The following GIMAP2 variants were observed in gnomAD, a reference collection of about 807,000 sequenced individuals.
The protein encoded by GIMAP2 is GTPase IMAP family member 2.
GIMAP2 carries 22 observed loss-of-function variants against 25.5 expected under a neutral mutation model. That is an observed-to-expected ratio of 0.86 (90% confidence interval 0.62 to 1.23). The LOEUF is 1.23. Among genes scored for constraint, GIMAP2 ranks in the 50% most tolerant of loss-of-function variants. GIMAP2 has a pLI of 0.00. For synonymous variants in GIMAP2, 167 were observed against 143.0 expected (o/e 1.17, Z -1.20); for missense variants, 422 against 395.7 (o/e 1.07, Z -0.56).
In GIMAP2 at chr7:150,693,168, G is replaced by C. The variant is rs2032995453; in HGVS notation, c.882G>C (p.Met294Ile). Residue 294 changes from methionine to isoleucine, a missense_variant, in exon 3 of 3, where the codon ATG becomes ATC. Met to Ile is a conservative substitution (Grantham distance 10, BLOSUM62 1). Transcript: ENST00000223293. ...TGTGGCTTTGCATACTGCACAGCAT[G>C]TGCAATTTGTTTTGTTGCTTACTCT... is the stretch of plus-strand genomic sequence containing the variant. Reference protein sequence around the residue: ...IILWLCILHSMCNLFCCLLFS... With the variant: ...IILWLCILHSICNLFCCLLFS... 1 of 1,613,262 alleles carries C rather than the reference G, an allele frequency of 6.2e-7. No individual in the cohort carries two copies. Among genetic ancestry groups the C allele is most frequent in the Non-Finnish European group, 8.5e-7 (1 of 1,179,474 alleles).
chr7:150,693,363 G>A lies in GIMAP2; in HGVS notation c.*63G>A, dbSNP rs1345132344. The A allele has an allele frequency of 9.5e-7, 1 of 1,055,932 alleles. No individual in the cohort carries two copies. Among genetic ancestry groups the A allele is most frequent in the Admixed American group, 2.6e-5 (1 of 38,424 alleles). The allele number at this position is 1,055,932 out of a possible 1,614,324, so 65.4% of individuals were successfully genotyped here. A position where few individuals can be genotyped will look rare whatever the true frequency, so the allele number is the denominator to read the frequency against. On this transcript the variant is annotated 3_prime_UTR_variant, in exon 3 of 3. Coordinates refer to ENST00000223293, the MANE Select transcript of GIMAP2 (RefSeq NM_015660.3). The stretch of plus-strand genomic sequence containing the variant: ...GTGGGTGAATCACAGTAATTTCCCT[G>A]TAAAATGTGGTACCTGAAGTCATAT...
chr7:150,692,640 T>C lies in GIMAP2; in HGVS notation c.354T>C (p.Tyr118=). ...VLLLVTQLGR[Y]TSQDQQAAQR... ...TCCTGGTGACTCAGCTGGGCCGCTA[T>C]ACCTCACAGGACCAGCAGGCTGCAC... Residue 118 remains tyrosine (Y), a synonymous_variant, in exon 3 of 3, where the codon TAT becomes TAC. Transcript: ENST00000223293. 3 of 1,614,146 alleles carry C rather than the reference T, an allele frequency of 1.9e-6. No homozygotes were observed. The highest frequency in any genetic ancestry group is 2.5e-6 in the Non-Finnish European group (3 of 1,180,010).
rs1796893977 is a variant in GIMAP2 at position 150,685,773 on chromosome 7, A to C, written c.-21A>C. On this transcript the variant is annotated 5_prime_UTR_variant, in exon 1 of 3. Coordinates refer to ENST00000223293, the MANE Select transcript of GIMAP2 (RefSeq NM_015660.3). ...GAACAGGGAGCCAACTGTTTCTTTGAACAGTAAATCAGGTAAGCCCAGATT... is the reference window on the plus strand; with the variant it reads ...GAACAGGGAGCCAACTGTTTCTTTGCACAGTAAATCAGGTAAGCCCAGATT... 1.0e-6 allele frequency: 1 copy of C among 980,858 alleles called. No individual in the cohort carries two copies. The highest frequency in any genetic ancestry group is 1.8e-5 in the African/African-American group (1 of 57,138). 60.8% of individuals were successfully genotyped at this position (980,858 alleles called of 1,614,324 possible). A position where few individuals can be genotyped will look rare whatever the true frequency, so the allele number is the denominator to read the frequency against.
intron 1 of GIMAP2, among the ~76,000 whole-genome samples, chr7:150,686,125 T>C (rs1466463734): frequency 6.6e-6 from 1 of 152,196 alleles, no homozygotes; most frequent in Non-Finnish European, 1.5e-5. Context: ...AACGTACCGA[T>C]ATTTCTCACT....
intron 1 of GIMAP2, 22 bp downstream of exon 1, chr7:150,685,807 G>T: frequency 4.5e-6 from 4 of 880,400 alleles, no homozygotes; most frequent in Non-Finnish European, 5.4e-6. Context: ...TTTACGAAAA[G>T]TTCTGCAGTG....
In GIMAP2 at chr7:150,692,198, C is replaced by T. The variant is rs371921363; in HGVS notation, c.29-117C>T. The stretch of plus-strand genomic sequence containing the variant: ...CGAGATCACGCCATTGCACTCCAGC[C>T]TGGGCGACAGAGCGAGACTCCGTCT... On this transcript the variant is annotated intron_variant, in intron 2 of 2. Coordinates refer to ENST00000223293, the MANE Select transcript of GIMAP2 (RefSeq NM_015660.3). 2.4e-5 allele frequency: 24 copies of T among 985,376 alleles called. No individual in the cohort carries two copies. In the East Asian group the frequency reaches 5.8e-4, roughly 24 times the overall value. The allele number at this position is 985,376 out of a possible 1,614,324, so 61.0% of individuals were successfully genotyped here.
At position 150,685,706 on chromosome 7, in the gene GIMAP2, C is replaced by A. The variant is rs1470526420; in HGVS notation, c.-88C>A. ...AAGACCGACTGGAGTCTCGGTTTTA[C>A]TTTCTTTTTCTCTTGGAGCTGAGCT... On this transcript the variant is annotated 5_prime_UTR_variant, in exon 1 of 3. Transcript: ENST00000223293. The A allele has an allele frequency of 1.0e-6, 1 of 984,168 alleles. No homozygotes were observed. The highest frequency in any genetic ancestry group is 1.2e-6 in the Non-Finnish European group (1 of 828,926). 61.0% of individuals were successfully genotyped at this position (984,168 alleles called of 1,614,324 possible).
Position 150,692,997 on chromosome 7 carries a change from G to A in GIMAP2, c.711G>A (p.Lys237=), listed in dbSNP as rs751294485. Residue 237 remains lysine (K), a synonymous_variant, in exon 3 of 3, where the codon AAG becomes AAA. Transcript: ENST00000223293. ...CGPVGSDERV[K]EFKQSLIKYM... ...CTGTGGGATCAGATGAAAGAGTAAA[G>A]GAATTCAAACAGAGCCTTATAAAGT... 6.2e-7 allele frequency: 1 copy of A among 1,613,992 alleles called. No homozygotes were observed. The highest frequency in any genetic ancestry group is 8.5e-7 in the Non-Finnish European group (1 of 1,179,904).
At chr7:150,688,374 G>A (rs62490383) in intron 2 of GIMAP2, among the ~76,000 whole-genome samples, 43 of 152,010 alleles carry the variant, frequency 2.8e-4, no homozygotes, top group Non-Finnish European at 4.4e-5. Flanking sequence ...CAAGTGATCT[G>A]CCCACCTCAG....
chr7:150,689,688 A>G lies in GIMAP2; in HGVS notation c.28+2601A>G, dbSNP rs996273539. On this transcript the variant is annotated intron_variant, in intron 2 of 2. Transcript: ENST00000223293. ...CTACAGAAAATAAGATTAAATGTCC[A>G]TAAATTTTGGCCAATTTGTCTGGAA... is the stretch of plus-strand genomic sequence containing the variant. The G allele has an allele frequency of 3.5e-5, 20 of 579,564 alleles. 1 individual carries two copies. Among genetic ancestry groups the G allele is most frequent in the Non-Finnish European group, 6.0e-5 (19 of 317,508 alleles). 35.9% of individuals were successfully genotyped at this position (579,564 alleles called of 1,614,324 possible).
At chr7:150,689,849 A>C in intron 2 of GIMAP2, 1 of 333,316 alleles carries the variant, frequency 3.0e-6, no homozygotes, top group African/African-American at 2.1e-5. Context: ...AATGGGCTCT[A>C]AGTTATTGGG....
chr7:150,688,139 C>T (rs1033828045), intron 2 of GIMAP2, among the ~76,000 whole-genome samples: 6 of 151,946 alleles, frequency 3.9e-5, no homozygotes, highest in Admixed American at 1.3e-4. Context: ...GTTTTGGTTG[C>T]GGGGTGGAGG....
intron 2 of GIMAP2, among the ~76,000 whole-genome samples, chr7:150,691,542 A>G (rs963761386): frequency 2.0e-5 from 3 of 152,206 alleles, no homozygotes; most frequent in African/African-American, 7.2e-5. Flanking sequence ...TAATAAAAAT[A>G]ATTTTACACT....
intron 1 of GIMAP2, among the ~76,000 whole-genome samples, chr7:150,686,429 C>G (rs1234357): frequency 0.82 from 124,241 of 152,056 alleles, 51,462 homozygotes; most frequent in African/African-American, 0.95. Flanking sequence ...CTGACAGAAG[C>G]GAAGAGTGTG....
chr7:150,691,949 G>T (rs1273266029), intron 2 of GIMAP2, among the ~76,000 whole-genome samples: 1 of 152,212 alleles, frequency 6.6e-6, no homozygotes, highest in East Asian at 1.9e-4. Context: ...TCCACTACCG[G>T]CTGGGCCCGG....
intron 2 of GIMAP2, among the ~76,000 whole-genome samples, chr7:150,691,523 T>C (rs970494487): frequency 3.3e-5 from 5 of 152,232 alleles, no homozygotes; most frequent in African/African-American, 9.6e-5. Flanking sequence ...ATATCAGTTG[T>C]TTCTTCACTA....
chr7:150,691,405 G>C (rs538107369), intron 2 of GIMAP2, among the ~76,000 whole-genome samples: 1 of 152,206 alleles, frequency 6.6e-6, no homozygotes, highest in Non-Finnish European at 1.5e-5. Context: ...CCTTACCCAC[G>C]TTGAAGGGAA....
At chr7:150,687,717 TTGTG>T (rs145943318) in intron 2 of GIMAP2, among the ~76,000 whole-genome samples, 4 of 150,048 alleles carry the variant, frequency 2.7e-5, no homozygotes, top group Non-Finnish European at 5.9e-5. Flanking sequence ...CATAGGTTCT[TTGTG>T]TGTGTGTGTG....
In GIMAP2 at chr7:150,692,408, G is replaced by A. The variant is rs932242424; in HGVS notation, c.122G>A (p.Ser41Asn). 6.2e-6 allele frequency: 10 copies of A among 1,614,226 alleles called. No homozygotes were observed. The highest frequency in any genetic ancestry group is 5.9e-6 in the Non-Finnish European group (7 of 1,180,028). ...TGTGKSAAGN[S>N]ILRKQAFESK... ...ACTGGCAAAAGTGCTGCAGGGAACA[G>A]CATCCTCAGGAAGCAAGCATTTGAA... Residue 41 changes from serine to asparagine, a missense_variant, in exon 3 of 3, where the codon AGC becomes AAC. Ser to Asn is a conservative substitution (Grantham distance 46). Coordinates refer to ENST00000223293, the MANE Select transcript of GIMAP2 (RefSeq NM_015660.3).
Sources: gnomAD v4.1 joint callset for allele counts (sites outside exome capture counted in the v4.1 genomes callset) on GRCh38, gnomAD v4.1.1 for gene constraint, MANE v1.5 for transcripts, NCBI Gene and HGNC (gene_info 2026-07-23, HGNC 2026-07-21) for gene names.